ANK2: variants seen among roughly 807,000 people sequenced by gnomAD.
The protein encoded by ANK2 is ankyrin-2.
Under a neutral mutation model 360.5 loss-of-function variants are expected in ANK2, and 83 were observed. That is an observed-to-expected ratio of 0.23 (90% CI 0.19 to 0.28). ANK2 has a LOEUF of 0.28. Among genes scored for constraint, ANK2 ranks in the 10% least tolerant of loss-of-function variants. The pLI is 1.00. For missense variants in ANK2, 4,201 were observed against 4,795.7 expected, an observed-to-expected ratio of 0.88 and a Z score of 3.66; for synonymous variants, 1,740 against 1,759.5, an observed-to-expected ratio of 0.99 and a Z score of 0.28.
chr4:112,800,687 G>A, the ANK2 span, among the ~76,000 whole-genome samples: 4 of 152,012 alleles, frequency 2.6e-5, no homozygotes, highest in African/African-American at 7.3e-5. Flanking sequence ...ATGGAGTTTC[G>A]CTCTTGTTCC....
chr4:113,097,384 CT>C (rs2154357225), intron 1 of ANK2, among the ~76,000 whole-genome samples: 1 of 152,028 alleles, frequency 6.6e-6, no homozygotes, highest in Admixed American at 6.5e-5. Flanking sequence ...TGAGTGAGTC[CT>C]AGCTTATACT....
At chr4:113,139,149 G>A (rs146616466) in intron 1 of ANK2, among the ~76,000 whole-genome samples, 7 of 152,218 alleles carry the variant, frequency 4.6e-5, no homozygotes, top group East Asian at 1.9e-4. Context: ...CAACCATGGC[G>A]TGCAACATAT....
At chr4:113,162,138 C>T (rs960916058) in intron 1 of ANK2, among the ~76,000 whole-genome samples, 2 of 152,150 alleles carry the variant, frequency 1.3e-5, no homozygotes, top group African/African-American at 4.8e-5. Context: ...CACGCAAAAG[C>T]TAGAAGTCTC....
upstream of ANK2, among the ~76,000 whole-genome samples, chr4:112,815,407 A>G (rs1578925645): frequency 6.6e-6 from 1 of 152,238 alleles, no homozygotes; most frequent in Non-Finnish European, 1.5e-5. Context: ...AAACAAACAC[A>G]TATATTAATA....
At chr4:112,846,736 A>G (rs2063400801) in intron 1 of ANK2, among the ~76,000 whole-genome samples, 1 of 152,170 alleles carries the variant, frequency 6.6e-6, no homozygotes, top group South Asian at 2.1e-4. Flanking sequence ...GTTTCAATAT[A>G]TGTTGATGAT....
the ANK2 span, among the ~76,000 whole-genome samples, chr4:112,731,293 C>CA: frequency 0.046 from 2,974 of 64,414 alleles, 119 homozygotes; most frequent in African/African-American, 0.13. Flanking sequence ...GATGTAGTCT[C>CA]AAAAAAAAAA....
At position 113,356,990 on chromosome 4, in the gene ANK2, C is replaced by T. The variant is rs1392941634; in HGVS notation, c.8372C>T (p.Ser2791Leu). The part of the protein sequence containing the change: ...SPSSSAAPVS[S>L]GLQSPTGDDV... ...AGCAGCTCAGCTGCTCCTGTCTCTT[C>T]AGGTCTACAGAGTCCGACTGGTGAT... Residue 2791 changes from serine (S) to leucine (L), a missense_variant, in exon 38 of 46, where the codon TCA becomes TTA. This residue lies in a region of ANK2 where 2,642 missense variants were observed against 2,714.5 expected (regional missense o/e 0.97). Transcript: ENST00000357077. The T allele has an allele frequency of 3.1e-6, 5 of 1,614,074 alleles. No individual in the cohort carries two copies. Among genetic ancestry groups the T allele is most frequent in the Non-Finnish European group, 4.2e-6 (5 of 1,179,978 alleles).
chr4:112,732,867 G>T, the ANK2 span, among the ~76,000 whole-genome samples: 4 of 152,042 alleles, frequency 2.6e-5, no homozygotes, highest in Non-Finnish European at 5.9e-5. Flanking sequence ...GGATCACAAG[G>T]TCGGGAGTTT....
chr4:113,197,210 T>C (rs2098760649), intron 3 of ANK2, among the ~76,000 whole-genome samples: 1 of 152,194 alleles, frequency 6.6e-6, no homozygotes, highest in Admixed American at 6.5e-5. Flanking sequence ...TTTTGGGTCA[T>C]GGATTGAATT....
At chr4:112,724,556 TACACACACACAC>T in the ANK2 span, among the ~76,000 whole-genome samples, 57 of 141,766 alleles carry the variant, frequency 4.0e-4, 1 homozygote, top group African/African-American at 1.4e-3. Context: ...CACACACACA[TACACACACACAC>T]ACACACACAC....
chr4:112,849,751 C>T (rs1243278983), intron 1 of ANK2, among the ~76,000 whole-genome samples: 2 of 152,122 alleles, frequency 1.3e-5, no homozygotes, highest in Admixed American at 6.5e-5. Context: ...ATGGTTTAAT[C>T]AAACAGGGTT....
At chr4:112,757,535 A>T in the ANK2 span, among the ~76,000 whole-genome samples, 1 of 152,246 alleles carries the variant, frequency 6.6e-6, no homozygotes, top group Admixed American at 6.5e-5. Context: ...ATTTGATCTC[A>T]TAAGAATCCT....
rs773227656 is a variant in ANK2 at position 113,381,600 on chromosome 4, G to A, written c.*129G>A. ...CAGCGCGATCTCCAGCAGCTCCTTCGGCATTTCTGCAAGGAGGACTTGAAG... is the reference window on the plus strand; with the variant it reads ...CAGCGCGATCTCCAGCAGCTCCTTCAGCATTTCTGCAAGGAGGACTTGAAG... On this transcript the variant is annotated 3_prime_UTR_variant, in exon 46 of 46. Coordinates refer to ENST00000357077, the MANE Select transcript of ANK2 (RefSeq NM_001148.6). 1.7e-5 allele frequency: 27 copies of A among 1,577,464 alleles called. No homozygotes were observed. The highest frequency in any genetic ancestry group is 3.3e-4 in the Middle Eastern group (2 of 6,042).
chr4:112,791,476 C>CTTTTTTT, the ANK2 span, among the ~76,000 whole-genome samples: 4 of 98,290 alleles, frequency 4.1e-5, no homozygotes, highest in Non-Finnish European at 5.6e-5. Context: ...TCTTCTTCTT[C>CTTTTTTT]TTCTTTTTTT....
intron 1 of ANK2, among the ~76,000 whole-genome samples, chr4:113,065,558 G>A (rs183570101): frequency 2.0e-4 from 31 of 152,284 alleles, no homozygotes; most frequent in Non-Finnish European, 4.1e-4. Flanking sequence ...CGTAGTTAGT[G>A]GCAGACACGG....
the ANK2 span, among the ~76,000 whole-genome samples, chr4:112,744,586 G>A: frequency 1.3e-5 from 2 of 152,022 alleles, no homozygotes; most frequent in South Asian, 4.2e-4. Flanking sequence ...CTAACCTCAG[G>A]TGATCCACCC....
intron 1 of ANK2, among the ~76,000 whole-genome samples, chr4:113,122,257 T>A (rs540540386): frequency 2.0e-5 from 3 of 152,124 alleles, no homozygotes; most frequent in East Asian, 1.9e-4. Flanking sequence ...AGCCTAGTCA[T>A]CCCTCTCATT....
intron 1 of ANK2, among the ~76,000 whole-genome samples, chr4:113,083,586 G>A (rs544957309): frequency 6.6e-6 from 1 of 152,260 alleles, no homozygotes; most frequent in East Asian, 1.9e-4. Context: ...TAAGGAGTGA[G>A]AGAGAGGGGT....
At chr4:113,326,114 T>G (rs529479801) in intron 26 of ANK2, among the ~76,000 whole-genome samples, 1 of 152,216 alleles carries the variant, frequency 6.6e-6, no homozygotes, top group African/African-American at 2.4e-5. Flanking sequence ...TTCCCTGTGG[T>G]ACATAAAAGT....
Sources: allele counts gnomAD v4.1 joint callset (sites outside exome capture counted in the v4.1 genomes callset), GRCh38; gene constraint gnomAD v4.1.1; regional missense constraint gnomAD v4.1.1; transcripts MANE v1.5; gene names NCBI Gene and HGNC (gene_info 2026-07-23, HGNC 2026-07-21).